Variants in CMTM8 observed in about 807,000 individuals in gnomAD.
CMTM8 encodes the protein CKLF like MARVEL transmembrane domain containing 8, also known as CKLF-like MARVEL transmembrane domain-containing protein 8.
In CMTM8, 12 loss-of-function variants were observed where a neutral mutation model predicts 18.6. The observed-to-expected ratio is 0.65, with a 90% CI of 0.41 to 1.05. The LOEUF (loss-of-function observed/expected upper bound fraction) is 1.05, where lower values mean the gene tolerates loss of function less well. Among genes scored for constraint, CMTM8 ranks in the 50% least tolerant of loss-of-function variants. CMTM8 has a pLI of 0.00. For missense variants in CMTM8, 217 were observed against 227.2 expected, an observed-to-expected ratio of 0.95 and a Z score of 0.29; for synonymous variants, 87 against 90.6, an observed-to-expected ratio of 0.96 and a Z score of 0.23.
intron 1 of CMTM8, among the ~76,000 whole-genome samples, chr3:32,298,328 T>G (rs1695520748): frequency 6.6e-6 from 1 of 151,840 alleles, no homozygotes; most frequent in African/African-American, 2.4e-5. Context: ...CGCATTGGCC[T>G]CCCTAAGTGC....
At chr3:32,246,456 C>G (rs1009389188) in intron 1 of CMTM8, among the ~76,000 whole-genome samples, 1 of 152,150 alleles carries the variant, frequency 6.6e-6, no homozygotes, top group African/African-American at 2.4e-5. Context: ...TATTCGCTCA[C>G]CCCTGCTTCT....
intron 1 of CMTM8, among the ~76,000 whole-genome samples, chr3:32,249,782 C>T (rs1702089694): frequency 6.6e-6 from 1 of 152,158 alleles, no homozygotes; most frequent in African/African-American, 2.4e-5. Context: ...TGGGATAAAT[C>T]CCTTATCAGA....
intron 1 of CMTM8, among the ~76,000 whole-genome samples, chr3:32,241,028 T>G (rs1442667725): frequency 6.6e-6 from 1 of 152,164 alleles, no homozygotes; most frequent in Non-Finnish European, 1.5e-5. Context: ...GCTCAAGCAA[T>G]CCTCCTGCCT....
At chr3:32,283,957 A>G (rs1702641090) in intron 1 of CMTM8, among the ~76,000 whole-genome samples, 1 of 152,224 alleles carries the variant, frequency 6.6e-6, no homozygotes, top group African/African-American at 2.4e-5. Flanking sequence ...CCACACACAA[A>G]TATACACTTA....
intron 2 of CMTM8, among the ~76,000 whole-genome samples, chr3:32,366,349 C>T (rs192590213): frequency 1.3e-5 from 2 of 152,292 alleles, no homozygotes; most frequent in East Asian, 3.9e-4. Flanking sequence ...GTTCACAGGT[C>T]GTAGACTCAG....
intron 1 of CMTM8, among the ~76,000 whole-genome samples, chr3:32,258,111 G>T (rs765960278): frequency 4.2e-4 from 64 of 152,244 alleles, no homozygotes; most frequent in African/African-American, 1.5e-3. Context: ...CTCCAACTTT[G>T]GTTATTGCTT....
chr3:32,320,050 C>G (rs1013996651), intron 1 of CMTM8, among the ~76,000 whole-genome samples: 3 of 152,236 alleles, frequency 2.0e-5, no homozygotes, highest in East Asian at 1.9e-4. Context: ...ATTCTATGAT[C>G]TAAAAATCTA....
At chr3:32,263,200 C>G (rs1702281521) in intron 1 of CMTM8, among the ~76,000 whole-genome samples, 1 of 152,200 alleles carries the variant, frequency 6.6e-6, no homozygotes, top group South Asian at 2.1e-4. Flanking sequence ...GGAGGCACCC[C>G]CCAGTAGGGG....
chr3:32,311,243 G>C (rs752898), intron 1 of CMTM8, among the ~76,000 whole-genome samples: 204 of 152,336 alleles, frequency 1.3e-3, no homozygotes, highest in African/African-American at 4.6e-3. Flanking sequence ...CTGTTTTGCA[G>C]TTTGTAAAAA....
chr3:32,258,923 C>A, intron 1 of CMTM8: 1 of 293,176 alleles, frequency 3.4e-6, no homozygotes, highest in Non-Finnish European at 6.6e-6. Context: ...TTCCCCACCC[C>A]ACTGCCCCCG....
intron 1 of CMTM8, among the ~76,000 whole-genome samples, chr3:32,343,005 T>C (rs1273393495): frequency 1.3e-5 from 2 of 152,198 alleles, no homozygotes; most frequent in African/African-American, 2.4e-5. Context: ...TTTTCCCCAC[T>C]AAGCAAACTC....
At chr3:32,249,904 A>G (rs1310079930) in intron 1 of CMTM8, among the ~76,000 whole-genome samples, 1 of 152,180 alleles carries the variant, frequency 6.6e-6, no homozygotes, top group East Asian at 1.9e-4. Flanking sequence ...CAATTTTTAT[A>G]GTTTTTCTTT....
chr3:32,287,473 T>C (rs1702706670), intron 1 of CMTM8, among the ~76,000 whole-genome samples: 1 of 152,230 alleles, frequency 6.6e-6, no homozygotes, highest in African/African-American at 2.4e-5. Flanking sequence ...CATTAAACTA[T>C]TACTAACTGA....
At chr3:32,267,702 C>T (rs1702369708) in intron 1 of CMTM8, among the ~76,000 whole-genome samples, 1 of 152,024 alleles carries the variant, frequency 6.6e-6, no homozygotes, top group South Asian at 2.1e-4. Flanking sequence ...AATCTGCTCA[C>T]CTAACAAAGG....
At chr3:32,297,063 G>A (rs1214072173) in intron 1 of CMTM8, among the ~76,000 whole-genome samples, 1 of 152,214 alleles carries the variant, frequency 6.6e-6, no homozygotes, top group Non-Finnish European at 1.5e-5. Context: ...ATCCCCTTAG[G>A]ATGTGTTGAT....
chr3:32,248,651 A>C (rs1702074112), intron 1 of CMTM8, among the ~76,000 whole-genome samples: 2 of 150,730 alleles, frequency 1.3e-5, no homozygotes, highest in East Asian at 3.9e-4. Flanking sequence ...GGCATGAGCC[A>C]CCACACCTGG....
At chr3:32,239,781 C>G (rs1055653562) in intron 1 of CMTM8, among the ~76,000 whole-genome samples, 3 of 152,170 alleles carry the variant, frequency 2.0e-5, no homozygotes, top group Non-Finnish European at 4.4e-5. Context: ...GCCAGTCCTT[C>G]ATAGCTGAGA....
chr3:32,260,500 C>T (rs527992524), intron 1 of CMTM8, among the ~76,000 whole-genome samples: 1 of 152,204 alleles, frequency 6.6e-6, no homozygotes, highest in Admixed American at 6.5e-5. Flanking sequence ...TGTACATTCC[C>T]TTACCTGGAT....
chr3:32,364,521 G>A (rs974430822), intron 2 of CMTM8, among the ~76,000 whole-genome samples: 1 of 150,642 alleles, frequency 6.6e-6, no homozygotes, highest in Non-Finnish European at 1.5e-5. Flanking sequence ...AAAAAAGACA[G>A]AAAAGAAATG....
Sources: gnomAD v4.1 joint callset for allele counts (sites outside exome capture counted in the v4.1 genomes callset) on GRCh38, gnomAD v4.1.1 for gene constraint, MANE v1.5 for transcripts, NCBI Gene and HGNC (gene_info 2026-07-23, HGNC 2026-07-21) for gene names.